ITPR2: variants seen among roughly 807,000 people sequenced by gnomAD.
ITPR2 encodes the protein inositol 1,4,5-trisphosphate receptor type 2, also known as inositol 1,4,5-trisphosphate-gated calcium channel ITPR2.
ITPR2 carries 207 observed loss-of-function variants against 317.1 expected under a neutral mutation model. The ratio of observed to expected loss-of-function variants is 0.65; its 90% CI spans 0.58 to 0.73. The LOEUF (loss-of-function observed/expected upper bound fraction) is 0.73. Among genes scored for constraint, ITPR2 ranks in the 30% least tolerant of loss-of-function variants. The pLI is 0.00. For synonymous variants in ITPR2, 1,156 were observed against 1,149.1 expected, an observed-to-expected ratio of 1.01 and a Z score of -0.12; for missense variants, 2,613 against 3,284.0, an observed-to-expected ratio of 0.80 and a Z score of 4.99.
At chr12:26,565,857 G>T (rs1194175370) in intron 34 of ITPR2, among the ~76,000 whole-genome samples, 1 of 98,072 alleles carries the variant, frequency 1.0e-5, no homozygotes, top group East Asian at 3.1e-4. Flanking sequence ...GAGAGGAGAG[G>T]AGAGGGGAGG....
chr12:26,573,416 T>C, intron 34 of ITPR2, among the ~76,000 whole-genome samples: 1 of 151,994 alleles, frequency 6.6e-6, no homozygotes, highest in Non-Finnish European at 1.5e-5. Context: ...GCTCCAGTGG[T>C]GAAGAAAGGA....
intron 55 of ITPR2, among the ~76,000 whole-genome samples, chr12:26,375,536 T>G (rs1209983742): frequency 6.6e-6 from 1 of 152,240 alleles, no homozygotes; most frequent in African/African-American, 2.4e-5. Context: ...TGAAAACTGT[T>G]TTTCTCCTGG....
Position 26,695,631 on chromosome 12 carries a change from T to A in ITPR2, c.971A>T (p.Asp324Val). ...CACATTTTTTCCTTCATTTTGGGCA[T>A]CTCGATAATCAGGATTAAGCTAGAA... ...LAAELNPDYRDAQNEGKNVRD... is the reference protein window; with the variant it reads ...LAAELNPDYRVAQNEGKNVRD... Residue 324 changes from aspartate to valine, a missense_variant, in exon 10 of 57, where the codon GAT (aspartate) becomes GTT (valine). By Grantham distance (152) the Asp-to-Val change is radical. Around this residue, in one of 9 missense-constraint regions of ITPR2, gnomAD observed 515 missense variants for 789.4 expected, o/e 0.65. Coordinates refer to ENST00000381340, the MANE Select transcript of ITPR2 (RefSeq NM_002223.4). 1 of 1,612,928 alleles carries A rather than the reference T, an allele frequency of 6.2e-7. No individual in the cohort carries two copies. Among genetic ancestry groups the A allele is most frequent in the South Asian group, 1.1e-5 (1 of 91,008 alleles).
chr12:26,583,574 T>C (rs1450893755), intron 32 of ITPR2, among the ~76,000 whole-genome samples: 2 of 152,168 alleles, frequency 1.3e-5, no homozygotes, highest in Non-Finnish European at 2.9e-5. Context: ...AGTTTTTAAC[T>C]CTTTAAAATA....
At chr12:26,422,410 T>C (rs925360499) in intron 49 of ITPR2, among the ~76,000 whole-genome samples, 1 of 152,116 alleles carries the variant, frequency 6.6e-6, no homozygotes, top group Admixed American at 6.6e-5. Flanking sequence ...GTTATTGATC[T>C]GTCTTTGCAG....
intron 39 of ITPR2, among the ~76,000 whole-genome samples, chr12:26,490,125 A>G (rs1361265406): frequency 2.0e-5 from 3 of 152,252 alleles, no homozygotes; most frequent in African/African-American, 7.2e-5. Context: ...ATATTTGTTG[A>G]ATGGCTATAA....
chr12:26,766,348 T>G (rs916889072), intron 2 of ITPR2, among the ~76,000 whole-genome samples: 4 of 152,076 alleles, frequency 2.6e-5, no homozygotes, highest in East Asian at 3.8e-4. Context: ...CTCATTGTGG[T>G]TTTTATTTGC....
intron 55 of ITPR2, among the ~76,000 whole-genome samples, chr12:26,380,811 T>C (rs1021969380): frequency 1.1e-4 from 16 of 152,194 alleles, no homozygotes; most frequent in African/African-American, 3.4e-4. Context: ...TGCTCAAAAA[T>C]ATGTTTTAAC....
At chr12:26,718,214 C>G (rs1055194126) in intron 5 of ITPR2, among the ~76,000 whole-genome samples, 2 of 152,176 alleles carry the variant, frequency 1.3e-5, no homozygotes, top group Admixed American at 1.3e-4. Context: ...CCCCCCACCC[C>G]CTGACAGGCT....
At chr12:26,632,895 G>A (rs1946785710) in intron 21 of ITPR2, among the ~76,000 whole-genome samples, 1 of 152,186 alleles carries the variant, frequency 6.6e-6, no homozygotes, top group Non-Finnish European at 1.5e-5. Context: ...TTAACACTAT[G>A]ACAATTTATG....
At chr12:26,529,748 C>A (rs1377363683) in intron 37 of ITPR2, among the ~76,000 whole-genome samples, 3 of 152,156 alleles carry the variant, frequency 2.0e-5, no homozygotes, top group Non-Finnish European at 2.9e-5. Context: ...CCATATAAAG[C>A]ACCTCTAACA....
chr12:26,493,013 A>T (rs1356860576), intron 39 of ITPR2, among the ~76,000 whole-genome samples: 1 of 152,086 alleles, frequency 6.6e-6, no homozygotes, highest in Non-Finnish European at 1.5e-5. Flanking sequence ...ATTAAATTTT[A>T]AAAAGTCCCA....
chr12:26,675,667 GCA>G (rs1357593430), intron 13 of ITPR2, among the ~76,000 whole-genome samples: 3 of 151,954 alleles, frequency 2.0e-5, no homozygotes, highest in Non-Finnish European at 4.4e-5. Flanking sequence ...TGCACATTGT[GCA>G]CATGTACCCT....
chr12:26,746,317 C>T (rs1949323046), intron 2 of ITPR2, among the ~76,000 whole-genome samples: 1 of 152,124 alleles, frequency 6.6e-6, no homozygotes. Context: ...AGAATGAGCC[C>T]ATTCTGTTTT....
intron 37 of ITPR2, among the ~76,000 whole-genome samples, chr12:26,515,831 C>T (rs142752977): frequency 1.8e-3 from 275 of 151,718 alleles, no homozygotes; most frequent in African/African-American, 5.6e-3. Flanking sequence ...GTAGAGGGCC[C>T]GGGTATGGTG....
At chr12:26,604,787 G>T (rs1355820476) in intron 26 of ITPR2, among the ~76,000 whole-genome samples, 1 of 152,156 alleles carries the variant, frequency 6.6e-6, no homozygotes, top group Non-Finnish European at 1.5e-5. Flanking sequence ...CATTAATCAT[G>T]AAGTGAATCT....
chr12:26,356,230 C>G (rs1938631855), intron 55 of ITPR2, among the ~76,000 whole-genome samples: 1 of 152,200 alleles, frequency 6.6e-6, no homozygotes, highest in Admixed American at 6.5e-5. Context: ...GAATTGACAG[C>G]TGGCTAGATG....
chr12:26,663,752 T>C lies in ITPR2; in HGVS notation c.1646A>G (p.Tyr549Cys). ...GTAACAGAGCCGCAGCATGTACTTG[T>C]AGGGTGCATATCTTTGATCCCCCAG... ...EDLGDQRYAP[Y>C]KYMLRLCYRV... Residue 549 changes from tyrosine (Y) to cysteine (C), a missense_variant, in exon 15 of 57, where the codon TAC becomes TGC. This residue lies in a region of ITPR2 where 515 missense variants were observed against 789.4 expected (regional missense o/e 0.65). Transcript: ENST00000381340. 1 of 1,614,102 alleles carries C rather than the reference T, an allele frequency of 6.2e-7. No individual in the cohort carries two copies.
intron 2 of ITPR2, among the ~76,000 whole-genome samples, chr12:26,788,609 A>C (rs1332371096): frequency 6.6e-6 from 1 of 152,054 alleles, no homozygotes; most frequent in Non-Finnish European, 1.5e-5. Flanking sequence ...GTTTTTCCTC[A>C]GTTTAGCAAG....
Sources: gnomAD v4.1 joint callset for allele counts (sites outside exome capture counted in the v4.1 genomes callset) on GRCh38, gnomAD v4.1.1 for gene constraint, gnomAD v4.1.1 regional missense constraint, MANE v1.5 for transcripts, NCBI Gene and HGNC (gene_info 2026-07-23, HGNC 2026-07-21) for gene names.